Variants in MLANA observed in about 807,000 individuals in gnomAD.
The protein encoded by MLANA is melanoma antigen recognized by T-cells 1.
MLANA carries 21 observed loss-of-function variants against 15.7 expected under a neutral mutation model. The observed-to-expected ratio is 1.33, with a 90% CI of 0.95 to 1.92. The LOEUF (loss-of-function observed/expected upper bound fraction) is 1.92. MLANA is among the 40% of genes most tolerant of loss of function. The pLI is 0.00. For synonymous variants in MLANA, 56 were observed against 51.5 expected (o/e 1.09, Z -0.37); for missense variants, 164 against 143.8 (o/e 1.14, Z -0.72).
rs996635083 is a variant in MLANA, at chr9:5,892,404, G to A, written c.-25-46G>A. The A allele has an allele frequency of 3.6e-6, 5 of 1,373,056 alleles. No homozygotes were observed. In the African/African-American group the frequency reaches 7.3e-5, roughly 20 times the overall value. 85.1% of individuals were successfully genotyped at this position (1,373,056 alleles called of 1,614,324 possible). A position where few individuals can be genotyped will look rare whatever the true frequency, so the allele number is the denominator to read the frequency against. ...TGGGTCTTTATGAGATGATGAATAG[G>A]GTGGCTTTGGATGCATTAATGATGC... is the stretch of plus-strand genomic sequence containing the variant. On this transcript the variant is annotated intron_variant, in intron 1 of 4. Coordinates refer to ENST00000381477, the MANE Select transcript of MLANA (RefSeq NM_005511.2).
intron 2 of MLANA, 40 bp from the exon 3 acceptor site, chr9:5,897,517 G>A (rs1201497934): frequency 7.1e-6 from 11 of 1,548,672 alleles, no homozygotes; most frequent in African/African-American, 1.4e-5. Flanking sequence ...GTAGAACAAT[G>A]TTTCAATGAC....
At chr9:5,892,963 G>C (rs1216032558) in intron 2 of MLANA, among the ~76,000 whole-genome samples, 1 of 152,142 alleles carries the variant, frequency 6.6e-6, no homozygotes, top group African/African-American at 2.4e-5. Context: ...AAGGATGACG[G>C]GCAGGTGTGT....
At chr9:5,903,803 T>C (rs1429742009) in intron 3 of MLANA, among the ~76,000 whole-genome samples, 7 of 152,192 alleles carry the variant, frequency 4.6e-5, no homozygotes, top group Non-Finnish European at 7.3e-5. Context: ...GAAACTAATA[T>C]AGGAACTCCT....
intron 3 of MLANA, among the ~76,000 whole-genome samples, chr9:5,902,241 GTCTT>G (rs1315936524): frequency 1.3e-5 from 2 of 152,148 alleles, no homozygotes; most frequent in African/African-American, 4.8e-5. Flanking sequence ...GACAGATTGT[GTCTT>G]TCAAAGAATT....
Position 5,892,519 on chromosome 9 carries a change from G to A in MLANA, c.45G>A (p.Lys15=). The A allele has an allele frequency of 6.2e-7, 1 of 1,613,784 alleles. No individual in the cohort carries two copies. Among genetic ancestry groups the A allele is most frequent in the South Asian group, 1.1e-5 (1 of 90,996 alleles). Residue 15 remains lysine (K), a synonymous_variant, in exon 2 of 5, where the codon AAG becomes AAA. Transcript: ENST00000381477. ...ACTTCATCTATGGTTACCCCAAGAA[G>A]GGGCACGGCCACTCTTACACCACGG... ...DAHFIYGYPK[K]GHGHSYTTAE...
Position 5,908,841 on chromosome 9 carries a change from G to A in MLANA, c.*133G>A, listed in dbSNP as rs1170164227. On this transcript the variant is annotated 3_prime_UTR_variant, in exon 5 of 5. Transcript: ENST00000381477. ...AAGCCATCTCTAATAATAAGTCAGT[G>A]TTAAAATTTTAGTAGGTCCGCTAGC... 6.2e-6 allele frequency: 5 copies of A among 805,014 alleles called. No homozygotes were observed. Among genetic ancestry groups the A allele is most frequent in the Non-Finnish European group, 1.0e-5 (5 of 496,898 alleles). The allele number at this position is 805,014 out of a possible 1,614,324, so 49.9% of individuals were successfully genotyped here.
At chr9:5,905,115 T>G (rs1005086119) in intron 3 of MLANA, among the ~76,000 whole-genome samples, 1 of 152,158 alleles carries the variant, frequency 6.6e-6, no homozygotes, top group African/African-American at 2.4e-5. Context: ...TCCCTAGAGT[T>G]TGCAACATAC....
intron 2 of MLANA, among the ~76,000 whole-genome samples, chr9:5,893,356 T>A (rs1015694229): frequency 6.6e-6 from 1 of 152,204 alleles, no homozygotes; most frequent in Non-Finnish European, 1.5e-5. Flanking sequence ...CACCCTCTTA[T>A]GTGGTCTGTC....
At chr9:5,895,032 G>C (rs933122465) in intron 2 of MLANA, among the ~76,000 whole-genome samples, 2 of 152,216 alleles carry the variant, frequency 1.3e-5, no homozygotes, top group African/African-American at 2.4e-5. Flanking sequence ...TTGAGAACAA[G>C]AGGGAGCCTC....
At chr9:5,908,292 A>C (rs1249669566) in intron 4 of MLANA, among the ~76,000 whole-genome samples, 1 of 152,246 alleles carries the variant, frequency 6.6e-6, no homozygotes, top group Non-Finnish European at 1.5e-5. Flanking sequence ...ACACAATTAC[A>C]ACGATCTCTG....
rs769453160 is a variant in MLANA, at chr9:5,906,933, C to G, written c.223C>G (p.Pro75Ala). The G allele has an allele frequency of 6.3e-7, 1 of 1,595,710 alleles. No individual in the cohort carries two copies. The highest frequency in any genetic ancestry group is 1.8e-5 in the Admixed American group (1 of 56,638). The change falls in exon 4 of 5, where the codon CCA becomes GCA. Residue 75 changes from proline to alanine, a missense_variant. By Grantham distance (27) the Pro-to-Ala change is conservative. Coordinates refer to ENST00000381477, the MANE Select transcript of MLANA (RefSeq NM_005511.2). ...GTQCALTRRC[P>A]QEGFDHRDSK... ...TCAATGTGCCTTAACAAGAAGATGCCCACAAGAAGGGTTTGATCATCGGGA... is the reference window on the plus strand; with the variant it reads ...TCAATGTGCCTTAACAAGAAGATGCGCACAAGAAGGGTTTGATCATCGGGA...
intron 3 of MLANA, among the ~76,000 whole-genome samples, chr9:5,899,903 C>G (rs1032350004): frequency 1.3e-5 from 2 of 152,158 alleles, no homozygotes; most frequent in African/African-American, 2.4e-5. Flanking sequence ...TTCAACTTCT[C>G]CAAGATTCAC....
At chr9:5,902,607 CTACAGCTAGCTACCATAGTAGCTAGGAT>C (rs1236567177) in intron 3 of MLANA, among the ~76,000 whole-genome samples, 1 of 151,870 alleles carries the variant, frequency 6.6e-6, no homozygotes, top group African/African-American at 2.4e-5. Context: ...GTAGCTAGGA[CTACAGCTAGCTACCATAGTAGCTAGGAT>C]TATAGCATGT....
At chr9:5,892,294 G>C (rs1831705450) in intron 1 of MLANA, among the ~76,000 whole-genome samples, 156 bp from the exon 2 acceptor site, 1 of 152,184 alleles carries the variant, frequency 6.6e-6, no homozygotes, top group Non-Finnish European at 1.5e-5. Context: ...TGATATGAAT[G>C]AAAGAAGCAG....
At chr9:5,892,065 C>T (rs1831691210) in intron 1 of MLANA, among the ~76,000 whole-genome samples, 1 of 152,178 alleles carries the variant, frequency 6.6e-6, no homozygotes, top group Admixed American at 6.5e-5. Context: ...TTAGCCACAG[C>T]CCTGGGCCAG....
In MLANA at chr9:5,896,129, T is replaced by A. The variant is rs557944223; in HGVS notation, c.78-1428T>A. On this transcript the variant is annotated intron_variant, in intron 2 of 4. Coordinates refer to ENST00000381477, the MANE Select transcript of MLANA (RefSeq NM_005511.2). ...CACTTGCTTGGTCTCCCGTTCCAGT[T>A]GCTGTGAATGTTGGTTCTGCCACTT... is the stretch of plus-strand genomic sequence containing the variant. 4.0e-4 allele frequency among the ~76,000 whole-genome samples: 61 copies of A among 152,356 alleles called. 1 individual carries two copies. In the South Asian group the frequency reaches 0.012, roughly 31 times the overall value.
chr9:5,906,807 C>G lies in MLANA; in HGVS notation c.175-78C>G, dbSNP rs1832844882. On this transcript the variant is annotated intron_variant, in intron 3 of 4. Coordinates refer to ENST00000381477, the MANE Select transcript of MLANA (RefSeq NM_005511.2). ...CCTAGATTAAAACTCATTCTTAAAA[C>G]TTTGGCTTCCTTCTCTTTTCTTTAA... The G allele has an allele frequency of 3.4e-6, 3 of 877,800 alleles. No homozygotes were observed. In the South Asian group the frequency reaches 5.9e-5, roughly 17 times the overall value. 54.4% of individuals were successfully genotyped at this position (877,800 alleles called of 1,614,324 possible).
At chr9:5,895,775 C>A (rs1586923645) in intron 2 of MLANA, among the ~76,000 whole-genome samples, 1 of 152,234 alleles carries the variant, frequency 6.6e-6, no homozygotes, top group East Asian at 1.9e-4. Context: ...ATTTGGAAGA[C>A]ACTCTGAGGC....
rs1373495117 is a variant in MLANA, at chr9:5,894,206, T to C, written c.77+1655T>C. Among the ~76,000 whole-genome samples the C allele has an allele frequency of 6.6e-6, 1 of 152,142 alleles. No homozygotes were observed. The highest frequency in any genetic ancestry group is 1.5e-5 in the Non-Finnish European group (1 of 68,012). ...CCGAAAGTGGAGTTGTCCTTTGCCATGTAGGGCCATCATGCCCAGCTGGGG... is the reference window on the plus strand; with the variant it reads ...CCGAAAGTGGAGTTGTCCTTTGCCACGTAGGGCCATCATGCCCAGCTGGGG... On this transcript the variant is annotated intron_variant, in intron 2 of 4. Transcript: ENST00000381477. The surrounding 1 kb of genome is among the most constrained non-coding windows in gnomAD (Gnocchi z 4.0).
Sources: gnomAD v4.1 joint callset for allele counts (sites outside exome capture counted in the v4.1 genomes callset) on GRCh38, gnomAD v4.1.1 for gene constraint, Gnocchi (gnomAD v3.1) non-coding constraint, MANE v1.5 for transcripts, NCBI Gene and HGNC (gene_info 2026-07-23, HGNC 2026-07-21) for gene names.